The following TP53BP2 variants were observed in gnomAD, a reference collection of about 807,000 sequenced individuals.
TP53BP2 encodes tumor protein p53 binding protein 2, also known as apoptosis-stimulating of p53 protein 2.
TP53BP2 carries 62 observed loss-of-function variants against 126.2 expected under a neutral mutation model. The observed-to-expected ratio is 0.49, with a 90% CI of 0.40 to 0.61. The LOEUF (loss-of-function observed/expected upper bound fraction) is 0.61, where lower values mean the gene tolerates loss of function less well. TP53BP2 is among the 20% of genes least tolerant of loss of function. The probability of loss-of-function intolerance (pLI) is 0.00; values close to 1 mark genes in which losing one functional copy is unlikely to be tolerated. For synonymous variants in TP53BP2, 485 were observed against 502.9 expected, an observed-to-expected ratio of 0.96 and a Z score of 0.48; for missense variants, 1,215 against 1,402.8, an observed-to-expected ratio of 0.87 and a Z score of 2.14.
At position 223,815,472 on chromosome 1, in the gene TP53BP2, C is replaced by A. The variant is rs141264093; in HGVS notation, c.176-1119G>T. Among the ~76,000 whole-genome samples the A allele has an allele frequency of 2.1e-3, 323 of 152,260 alleles. 2 individuals carry two copies. The highest frequency in any genetic ancestry group is 7.6e-3 in the African/African-American group (316 of 41,546). ...CCCTTCCACCCACCCCTACAAAATA[C>A]ACACACACATGCTGTACTCAAAACA... On this transcript the variant is annotated intron_variant, in intron 2 of 17. Transcript: ENST00000343537.
chr1:223,839,009 T>C (rs1190489804), intron 1 of TP53BP2, among the ~76,000 whole-genome samples: 1 of 142,888 alleles, frequency 7.0e-6, no homozygotes, highest in African/African-American at 2.8e-5. Context: ...TCTCCATTTT[T>C]TTCTTTTTTT....
intron 1 of TP53BP2, among the ~76,000 whole-genome samples, chr1:223,822,027 G>A (rs1663331076): frequency 6.6e-6 from 1 of 151,980 alleles, no homozygotes; most frequent in South Asian, 2.1e-4. Context: ...GAGTAGCTGG[G>A]ATTACAGGCG....
intron 17 of TP53BP2, among the ~76,000 whole-genome samples, chr1:223,783,745 A>G (rs1189288114): frequency 2.6e-5 from 4 of 152,216 alleles, no homozygotes. Flanking sequence ...CAAATAGTAC[A>G]GAAAAACAAA....
intron 16 of TP53BP2, among the ~76,000 whole-genome samples, chr1:223,785,731 T>C (rs1571834856): frequency 6.6e-6 from 1 of 152,250 alleles, no homozygotes; most frequent in East Asian, 1.9e-4. Flanking sequence ...ATTACTTTGC[T>C]ATTTATCAGA....
At position 223,796,743 on chromosome 1, in the gene TP53BP2, A is replaced by C. The variant is rs1322986290; in HGVS notation, c.1949-153T>G. Among the ~76,000 whole-genome samples the C allele has an allele frequency of 6.6e-6, 1 of 152,256 alleles. No individual in the cohort carries two copies. Among genetic ancestry groups the C allele is most frequent in the Non-Finnish European group, 1.5e-5 (1 of 68,054 alleles). On this transcript the variant is annotated intron_variant, in intron 12 of 17. Coordinates refer to ENST00000343537, the MANE Select transcript of TP53BP2 (RefSeq NM_001031685.3). The surrounding 1 kb of genome is among the most constrained non-coding windows in gnomAD (Gnocchi z 4.2). ...AAATATAATTAATTTTTAAAAATAA[A>C]TGACAAAGCAGGGAATCCATCTTTG...
At chr1:223,789,205 T>TTTG in intron 15 of TP53BP2, 31 bp from the exon 16 acceptor site, 1 of 1,610,770 alleles carries the variant, frequency 6.2e-7, no homozygotes, top group Admixed American at 1.7e-5. Context: ...GCTAGAACTG[T>TTTG]TTTCCTAAAC....
intron 3 of TP53BP2, among the ~76,000 whole-genome samples, chr1:223,813,691 T>C (rs955294176): frequency 4.6e-5 from 7 of 152,114 alleles, no homozygotes; most frequent in African/African-American, 1.7e-4. Flanking sequence ...TGGAGAAAAA[T>C]CATGTATGGT....
At chr1:223,837,154 A>AG (rs1558111809) in intron 1 of TP53BP2, among the ~76,000 whole-genome samples, 5 of 69,776 alleles carry the variant, frequency 7.2e-5, no homozygotes, top group African/African-American at 1.2e-4. Flanking sequence ...TTAAAAAAAA[A>AG]AGGGGGGGGG....
At chr1:223,830,119 T>C (rs1026385471) in intron 1 of TP53BP2, among the ~76,000 whole-genome samples, 1 of 152,202 alleles carries the variant, frequency 6.6e-6, no homozygotes, top group Admixed American at 6.5e-5. Flanking sequence ...ACTTAACAGC[T>C]ACAGGTTGAG....
chr1:223,793,448 G>A lies in TP53BP2; in HGVS notation c.2725-8C>T, dbSNP rs772136031. 1 of 1,559,178 alleles carries A rather than the reference G, an allele frequency of 6.4e-7. No individual in the cohort carries two copies. The highest frequency in any genetic ancestry group is 8.6e-7 in the Non-Finnish European group (1 of 1,156,766). ...CAAGTTTGTCCTTTTACCCTGCAAA[G>A]AAAATGGGTGGAAAATTTAGGATCC... On this transcript the variant is annotated splice_polypyrimidine_tract_variant and splice_region_variant and intron_variant, in intron 13 of 17. Transcript: ENST00000343537.
intron 1 of TP53BP2, among the ~76,000 whole-genome samples, chr1:223,837,268 T>C (rs1663955513): frequency 1.3e-5 from 2 of 152,070 alleles, no homozygotes; most frequent in Non-Finnish European, 1.5e-5. Flanking sequence ...AGACAGACTA[T>C]GGCTTCCTTG....
chr1:223,801,349 T>C (rs531244650), intron 9 of TP53BP2, among the ~76,000 whole-genome samples: 9 of 152,362 alleles, frequency 5.9e-5, no homozygotes, highest in African/African-American at 1.4e-4. Context: ...CATGGTACTA[T>C]TGCTTCACAG....
rs1266769528 is a variant in TP53BP2, at chr1:223,845,939, T to C, written c.-259A>G. ...TGACGGTCGGGGCTCCCTCCTCCGC[T>C]CCGAAACCAACTAATCCCGGGTCGG... is the stretch of plus-strand genomic sequence containing the variant. On this transcript the variant is annotated 5_prime_UTR_variant, in exon 1 of 18. Transcript: ENST00000343537. 4 of 227,014 alleles carry C rather than the reference T, an allele frequency of 1.8e-5. No homozygotes were observed. The highest frequency in any genetic ancestry group is 2.3e-5 in the African/African-American group (1 of 42,862). The allele number at this position is 227,014 out of a possible 1,614,324, so 14.1% of individuals were successfully genotyped here.
chr1:223,791,771 ACTTT>A (rs1346109172), intron 15 of TP53BP2, among the ~76,000 whole-genome samples: 1 of 152,170 alleles, frequency 6.6e-6, no homozygotes, highest in Non-Finnish European at 1.5e-5. Context: ...GTAACTTAAA[ACTTT>A]CTTTTTTAAA....
chr1:223,784,493 G>A (rs1171899007), intron 16 of TP53BP2, among the ~76,000 whole-genome samples, 179 bp from the exon 17 acceptor site: 1 of 152,128 alleles, frequency 6.6e-6, no homozygotes, highest in Non-Finnish European at 1.5e-5. Context: ...GAAGGCAACA[G>A]TGTATTGGGA....
At chr1:223,843,667 A>AT (rs1028992879) in intron 1 of TP53BP2, among the ~76,000 whole-genome samples, 3 of 152,166 alleles carry the variant, frequency 2.0e-5, no homozygotes, top group East Asian at 3.8e-4. Context: ...GAGACTATCC[A>AT]TTTTTTTACA....
At chr1:223,790,868 G>A (rs73127411) in intron 15 of TP53BP2, among the ~76,000 whole-genome samples, 5,841 of 152,056 alleles carry the variant, frequency 0.038, 367 homozygotes, top group African/African-American at 0.13. Context: ...ACATCCCAAA[G>A]TGCTAGGATT....
chr1:223,824,344 C>T (rs1197927835), intron 1 of TP53BP2, among the ~76,000 whole-genome samples: 1 of 152,220 alleles, frequency 6.6e-6, no homozygotes, highest in Non-Finnish European at 1.5e-5. Flanking sequence ...ACAGGTTTAA[C>T]ACTGGTATGA....
chr1:223,788,982 T>C (rs745558795), intron 16 of TP53BP2, 26 bp downstream of exon 16: 7 of 1,606,940 alleles, frequency 4.4e-6, no homozygotes, highest in Non-Finnish European at 5.1e-6. Flanking sequence ...CAGTAATCAA[T>C]ACATTTAGTT....
Sources: allele counts gnomAD v4.1 joint callset (sites outside exome capture counted in the v4.1 genomes callset), GRCh38; gene constraint gnomAD v4.1.1; non-coding constraint Gnocchi (gnomAD v3.1); transcripts MANE v1.5; gene names NCBI Gene and HGNC (gene_info 2026-07-23, HGNC 2026-07-21).